Variants in PCDHGA2 observed in about 807,000 individuals in gnomAD.
The protein encoded by PCDHGA2 is protocadherin gamma subfamily A, 2, also known as protocadherin gamma-A2.
Under a neutral mutation model 59.2 loss-of-function variants are expected in PCDHGA2, and 40 were observed. The observed-to-expected ratio is 0.68, with a 90% CI of 0.52 to 0.88. The LOEUF (loss-of-function observed/expected upper bound fraction) is 0.88. Among genes scored for constraint, PCDHGA2 ranks in the 40% least tolerant of loss-of-function variants. The pLI is 0.00. For synonymous variants in PCDHGA2, 560 were observed against 526.0 expected (o/e 1.06, Z -0.89); for missense variants, 1,226 against 1,204.0 (o/e 1.02, Z -0.27).
At chr5:141,366,013 G>T (rs1764261730) in intron 1 of PCDHGA2, 5 of 1,614,102 alleles carry the variant, frequency 3.1e-6, no homozygotes, top group Non-Finnish European at 4.2e-6. Flanking sequence ...ATACGCCTGA[G>T]ATCCTGTACC....
intron 1 of PCDHGA2, among the ~76,000 whole-genome samples, chr5:141,402,737 G>T (rs948478466): frequency 3.9e-5 from 6 of 152,276 alleles, no homozygotes; most frequent in East Asian, 1.9e-4. Context: ...CGCCGCTGTT[G>T]ATCAACTCTA....
intron 1 of PCDHGA2, among the ~76,000 whole-genome samples, chr5:141,442,784 A>C (rs1267270442): frequency 2.0e-5 from 3 of 152,212 alleles, no homozygotes; most frequent in Non-Finnish European, 4.4e-5. Flanking sequence ...ATTATATTTT[A>C]TAATTTTACT....
chr5:141,450,908 G>A (rs1248622378), intron 1 of PCDHGA2, among the ~76,000 whole-genome samples: 12 of 147,640 alleles, frequency 8.1e-5, no homozygotes, highest in East Asian at 6.0e-4. Flanking sequence ...CACTGCAACC[G>A]CTGCCTCCCA....
At chr5:141,437,188 G>T (rs1303844523) in intron 1 of PCDHGA2, among the ~76,000 whole-genome samples, 1 of 152,146 alleles carries the variant, frequency 6.6e-6, no homozygotes, top group Non-Finnish European at 1.5e-5. Context: ...CTGGGCAATG[G>T]GTTTGGATGT....
At chr5:141,345,132 G>T in intron 1 of PCDHGA2, 1 of 1,613,976 alleles carries the variant, frequency 6.2e-7, no homozygotes, top group Non-Finnish European at 8.5e-7. Context: ...AAGAGAAATT[G>T]CTCTTATCGA....
intron 1 of PCDHGA2, among the ~76,000 whole-genome samples, chr5:141,469,600 T>C (rs1276702104): frequency 6.6e-6 from 1 of 151,974 alleles, no homozygotes; most frequent in Non-Finnish European, 1.5e-5. Flanking sequence ...TAAAACAAAA[T>C]AAGTAAAATA....
intron 1 of PCDHGA2, chr5:141,426,908 G>C (rs1047101179): frequency 8.8e-6 from 4 of 456,612 alleles, no homozygotes; most frequent in African/African-American, 6.0e-5. Context: ...CTCATCTCCT[G>C]GTCCTGGAAG....
intron 1 of PCDHGA2, chr5:141,399,589 A>T: frequency 6.2e-7 from 1 of 1,613,984 alleles, no homozygotes; most frequent in Non-Finnish European, 8.5e-7. Context: ...CTACTCTATC[A>T]TGGCCAGCGA....
intron 1 of PCDHGA2, among the ~76,000 whole-genome samples, chr5:141,482,767 A>G (rs2099572087): frequency 6.6e-6 from 1 of 150,474 alleles, no homozygotes; most frequent in East Asian, 1.9e-4. Flanking sequence ...TTTCATTATC[A>G]CTGAACCTTA....
chr5:141,403,377 T>A, intron 1 of PCDHGA2: 1 of 1,614,016 alleles, frequency 6.2e-7, no homozygotes. Flanking sequence ...GAAGTAAAAA[T>A]TAACGAAATC....
At chr5:141,365,306 G>C in intron 1 of PCDHGA2, 1 of 1,613,976 alleles carries the variant, frequency 6.2e-7, no homozygotes, top group South Asian at 1.1e-5. Context: ...GGATGGAGGC[G>C]CTCTTGTTGC....
In PCDHGA2 at chr5:141,494,832, G is replaced by A. The variant is rs758427900; in HGVS notation, c.2450G>A (p.Arg817His). The A allele has an allele frequency of 1.2e-6, 2 of 1,614,066 alleles. No homozygotes were observed. Among genetic ancestry groups the A allele is most frequent in the Non-Finnish European group, 1.7e-6 (2 of 1,179,994 alleles). The change falls in exon 2 of 4, where the codon CGT (arginine) becomes CAT (histidine). Residue 817 changes from arginine (R) to histidine (H), a missense_variant. Transcript: ENST00000394576. ...CAAGCCCCGCCCAACACGGACTGGC[G>A]TTTCTCTCAGGCCCAGAGACCCGGC... ...SQQAPPNTDW[R>H]FSQAQRPGTS...
chr5:141,470,650 T>C (rs2099235744), intron 1 of PCDHGA2, among the ~76,000 whole-genome samples: 1 of 152,184 alleles, frequency 6.6e-6, no homozygotes, highest in Non-Finnish European at 1.5e-5. Context: ...TGAAGGCCCC[T>C]ACCCTTTGGT....
At chr5:141,344,230 T>A (rs772912037) in intron 1 of PCDHGA2, 2 of 1,614,052 alleles carry the variant, frequency 1.2e-6, no homozygotes, top group East Asian at 2.2e-5. Context: ...GGAGTCCGCA[T>A]CGTCTCCAGA....
chr5:141,457,899 C>CA (rs2098931976), intron 1 of PCDHGA2, among the ~76,000 whole-genome samples: 1 of 148,818 alleles, frequency 6.7e-6, no homozygotes, highest in Admixed American at 6.7e-5. Context: ...ACTGTGTAGA[C>CA]AAGGTGTGAG....
rs554037493 is a variant in PCDHGA2, at chr5:141,364,941, AAG to A, written c.2424+23550_2424+23551del. On this transcript the variant is annotated intron_variant, in intron 1 of 3. Coordinates refer to ENST00000394576, the MANE Select transcript of PCDHGA2 (RefSeq NM_018915.4). ...TTGGAACAGCCCCTAGACCGCGAGA[AAG>A]AGACTGTTCACGACCTCCTCCTCAC... is the stretch of plus-strand genomic sequence containing the variant. 73 of 1,613,952 alleles carry A rather than the reference AAG, an allele frequency of 4.5e-5. No homozygotes were observed. The East Asian group carries it at 1.6e-3, about 35-fold the overall frequency.
chr5:141,455,542 C>T (rs2154565110), intron 1 of PCDHGA2, among the ~76,000 whole-genome samples: 1 of 152,246 alleles, frequency 6.6e-6, no homozygotes, highest in African/African-American at 2.4e-5. Flanking sequence ...ATATCATTCA[C>T]GTAGCCCGAG....
chr5:141,381,826 C>CT (rs770630741), intron 1 of PCDHGA2, among the ~76,000 whole-genome samples: 11,762 of 74,396 alleles, frequency 0.16, 1,041 homozygotes, highest in Non-Finnish European at 0.18. Flanking sequence ...CTTTCTTCTT[C>CT]TTTTTTTTTT....
At chr5:141,450,829 A>ATTTTT (rs373424450) in intron 1 of PCDHGA2, among the ~76,000 whole-genome samples, 3 of 135,122 alleles carry the variant, frequency 2.2e-5, no homozygotes, top group Admixed American at 7.6e-5. Flanking sequence ...TATTATTATT[A>ATTTTT]TTTTTTTTTT....
Sources: allele counts gnomAD v4.1 joint callset (sites outside exome capture counted in the v4.1 genomes callset), GRCh38; gene constraint gnomAD v4.1.1; transcripts MANE v1.5; gene names NCBI Gene and HGNC (gene_info 2026-07-23, HGNC 2026-07-21).